PLPPR1: variants seen among roughly 807,000 people sequenced by gnomAD.
PLPPR1 encodes phospholipid phosphatase-related protein type 1.
In PLPPR1, 10 loss-of-function variants were observed where a neutral mutation model predicts 33.1. The observed-to-expected ratio is 0.30, with a 90% CI of 0.19 to 0.51. The LOEUF is 0.51. PLPPR1 is among the 20% of genes least tolerant of loss of function. The pLI is 0.97. For missense variants in PLPPR1, 304 were observed against 408.1 expected (o/e 0.74, Z 2.20); for synonymous variants, 151 against 151.0 (o/e 1.00, Z 0.00).
At chr9:101,057,853 A>G (rs1175354545) in intron 1 of PLPPR1, among the ~76,000 whole-genome samples, 2 of 152,154 alleles carry the variant, frequency 1.3e-5, no homozygotes, top group Non-Finnish European at 2.9e-5. Flanking sequence ...AACCAAGCAC[A>G]TTTGTGTACA....
At chr9:101,189,851 C>A (rs970015064) in intron 2 of PLPPR1, among the ~76,000 whole-genome samples, 7 of 151,954 alleles carry the variant, frequency 4.6e-5, no homozygotes, top group Non-Finnish European at 1.0e-4. Context: ...ATATCAAATG[C>A]AATTATGTAT....
chr9:101,269,294 A>G (rs1828052609), intron 2 of PLPPR1, among the ~76,000 whole-genome samples: 1 of 152,170 alleles, frequency 6.6e-6, no homozygotes. Context: ...ACCATTTTGG[A>G]AAAAGATAAA....
chr9:101,205,432 G>A (rs1826570658), intron 2 of PLPPR1, among the ~76,000 whole-genome samples: 1 of 152,142 alleles, frequency 6.6e-6, no homozygotes, highest in Non-Finnish European at 1.5e-5. Flanking sequence ...CCAGAAATTG[G>A]ATGTTTCTAA....
intron 2 of PLPPR1, among the ~76,000 whole-genome samples, chr9:101,186,606 A>G (rs989608288): frequency 6.6e-6 from 1 of 151,888 alleles, no homozygotes; most frequent in African/African-American, 2.4e-5. Flanking sequence ...AATCCTGTGA[A>G]ACACTTAGAC....
intron 1 of PLPPR1, among the ~76,000 whole-genome samples, chr9:101,102,523 A>T (rs1830918674): frequency 1.2e-5 from 1 of 86,316 alleles, no homozygotes; most frequent in African/African-American, 5.5e-5. Context: ...TATGTGCCAC[A>T]TTTTCTTAAT....
At chr9:101,289,514 G>A (rs1214471381) in intron 4 of PLPPR1, among the ~76,000 whole-genome samples, 1 of 152,172 alleles carries the variant, frequency 6.6e-6, no homozygotes, top group African/African-American at 2.4e-5. Flanking sequence ...ATCTTGAATT[G>A]TACTCCCATA....
At chr9:101,175,446 G>A (rs927633113) in intron 1 of PLPPR1, among the ~76,000 whole-genome samples, 11 of 152,030 alleles carry the variant, frequency 7.2e-5, no homozygotes, top group Non-Finnish European at 1.5e-4. Context: ...TAAAAAGTGG[G>A]TCCTAGGCAC....
At chr9:101,258,822 AG>A (rs1827846606) in intron 2 of PLPPR1, among the ~76,000 whole-genome samples, 1 of 152,178 alleles carries the variant, frequency 6.6e-6, no homozygotes, top group African/African-American at 2.4e-5. Flanking sequence ...ATTGACTATC[AG>A]AAACTTGCTG....
intron 1 of PLPPR1, among the ~76,000 whole-genome samples, chr9:101,067,468 T>C (rs1159629192): frequency 6.6e-6 from 1 of 151,924 alleles, no homozygotes; most frequent in Non-Finnish European, 1.5e-5. Context: ...ATATAATCAA[T>C]AGAAATTAAT....
At chr9:101,222,666 C>T (rs60927788) in intron 2 of PLPPR1, among the ~76,000 whole-genome samples, 1 of 152,128 alleles carries the variant, frequency 6.6e-6, no homozygotes, top group Non-Finnish European at 1.5e-5. Flanking sequence ...AATGACAGGT[C>T]TTAAAACAGT....
intron 2 of PLPPR1, among the ~76,000 whole-genome samples, chr9:101,196,675 C>T (rs1480594534): frequency 6.6e-6 from 1 of 152,126 alleles, no homozygotes; most frequent in African/African-American, 2.4e-5. Flanking sequence ...TCCTGGCTAA[C>T]ACGGTGAAAC....
At chr9:101,086,141 A>G (rs1830672332) in intron 1 of PLPPR1, among the ~76,000 whole-genome samples, 1 of 152,118 alleles carries the variant, frequency 6.6e-6, no homozygotes, top group East Asian at 1.9e-4. Flanking sequence ...TCATTTGTCT[A>G]CTGTCTTTAA....
intron 1 of PLPPR1, among the ~76,000 whole-genome samples, chr9:101,143,809 G>C (rs1049156888): frequency 6.6e-6 from 1 of 152,176 alleles, no homozygotes; most frequent in Non-Finnish European, 1.5e-5. Context: ...TGGAGAAATA[G>C]GAACACTTTT....
chr9:101,267,904 G>C (rs746577146), intron 2 of PLPPR1, among the ~76,000 whole-genome samples: 25 of 152,098 alleles, frequency 1.6e-4, no homozygotes, highest in Non-Finnish European at 2.9e-4. Context: ...TTGTTTTGGA[G>C]ACAGAGTCTC....
chr9:101,089,648 T>C (rs1564141570), intron 1 of PLPPR1, among the ~76,000 whole-genome samples: 1 of 152,222 alleles, frequency 6.6e-6, no homozygotes, highest in African/African-American at 2.4e-5. Flanking sequence ...GTTTAACACA[T>C]GATATTTCAC....
At chr9:101,150,235 AT>A (rs573640887) in intron 1 of PLPPR1, among the ~76,000 whole-genome samples, 3 of 151,834 alleles carry the variant, frequency 2.0e-5, no homozygotes, top group Non-Finnish European at 4.4e-5. Flanking sequence ...GTCTTTTGAG[AT>A]TTATTTGTAG....
chr9:101,323,996 G>C lies in PLPPR1; in HGVS notation c.946-29G>C, dbSNP rs1419930872. On this transcript the variant is annotated intron_variant, in intron 7 of 7. Transcript: ENST00000374874. ...GCACGTGTCAGGCAACCCTATCTCA[G>C]ATTTTATCTGCTTGTGTTTGCTCCA... 4 of 1,609,558 alleles carry C rather than the reference G, an allele frequency of 2.5e-6. No individual in the cohort carries two copies. The African/African-American group carries it at 5.3e-5, about 22-fold the overall frequency.
chr9:101,136,329 G>C (rs1831376693), intron 1 of PLPPR1, among the ~76,000 whole-genome samples: 1 of 152,186 alleles, frequency 6.6e-6, no homozygotes, highest in African/African-American at 2.4e-5. Flanking sequence ...CAGTATTAGA[G>C]TTGAGAGAGT....
chr9:101,034,087 A>G (rs533790825), intron 1 of PLPPR1, among the ~76,000 whole-genome samples: 15 of 152,190 alleles, frequency 9.9e-5, no homozygotes, highest in African/African-American at 3.1e-4. Context: ...TCAGTCACTT[A>G]TGAAGTCTAG....
Sources: allele counts gnomAD v4.1 joint callset (sites outside exome capture counted in the v4.1 genomes callset), GRCh38; gene constraint gnomAD v4.1.1; transcripts MANE v1.5; gene names NCBI Gene and HGNC (gene_info 2026-07-23, HGNC 2026-07-21).